ETNK2: variants seen among roughly 807,000 people sequenced by gnomAD.
ETNK2 encodes the protein ethanolamine kinase 2.
In ETNK2, 33 loss-of-function variants were observed where a neutral mutation model predicts 46.2. That is an observed-to-expected ratio of 0.71 (90% CI 0.54 to 0.96). The LOEUF (loss-of-function observed/expected upper bound fraction) is 0.96, where lower values mean the gene tolerates loss of function less well. ETNK2 is among the 40% of genes least tolerant of loss of function. The probability of loss-of-function intolerance (pLI) is 0.00; values close to 1 mark genes in which losing one functional copy is unlikely to be tolerated. For missense variants in ETNK2, 445 were observed against 509.7 expected (o/e 0.87, Z 1.22); for synonymous variants, 194 against 209.0 (o/e 0.93, Z 0.62).
At chr1:204,132,527 G>T (rs551836994) in intron 7 of ETNK2, among the ~76,000 whole-genome samples, 1 of 152,156 alleles carries the variant, frequency 6.6e-6, no homozygotes, top group South Asian at 2.1e-4. Context: ...TCTGCCTCCC[G>T]GGCTCTGATG....
chr1:204,143,537 C>T (rs1028156294), intron 3 of ETNK2, among the ~76,000 whole-genome samples: 4 of 152,100 alleles, frequency 2.6e-5, no homozygotes, highest in African/African-American at 9.7e-5. Flanking sequence ...GCTGTGGGAT[C>T]GGCAGAAGAG....
chr1:204,140,596 C>G (rs1282026871), intron 4 of ETNK2, among the ~76,000 whole-genome samples: 1 of 151,824 alleles, frequency 6.6e-6, no homozygotes, highest in Non-Finnish European at 1.5e-5. Context: ...ATGATCTCGG[C>G]TCACTGCAAC....
intron 2 of ETNK2, among the ~76,000 whole-genome samples, chr1:204,147,738 C>T (rs927135716): frequency 2.0e-5 from 3 of 152,212 alleles, no homozygotes; most frequent in African/African-American, 7.2e-5. Context: ...AAGAGGCAGG[C>T]CATACCCTAC....
chr1:204,149,558 G>A, intron 2 of ETNK2, 145 bp downstream of exon 2: 1 of 1,003,154 alleles, frequency 1.0e-6, no homozygotes, highest in Non-Finnish European at 1.4e-6. Context: ...TCTCTGCAGA[G>A]CAATGCATAT....
At chr1:204,136,970 G>A in intron 6 of ETNK2, 134 bp downstream of exon 6, 2 of 1,182,426 alleles carry the variant, frequency 1.7e-6, no homozygotes, top group Non-Finnish European at 2.4e-6. Flanking sequence ...CCTCTAGGGT[G>A]GGGTCAGGAG....
At chr1:204,147,715 G>C (rs1657845787) in intron 2 of ETNK2, 1 of 374,312 alleles carries the variant, frequency 2.7e-6, no homozygotes, top group Non-Finnish European at 5.3e-6. Flanking sequence ...CCTTTCTCTT[G>C]CCAGGCCCTG....
intron 3 of ETNK2, 82 bp downstream of exon 3, chr1:204,146,560 C>T: frequency 6.4e-7 from 1 of 1,559,688 alleles, no homozygotes; most frequent in Non-Finnish European, 8.8e-7. Flanking sequence ...CCTTAAACCT[C>T]CTAGCAGGGT....
chr1:204,151,933 A>G lies in ETNK2; in HGVS notation c.-81T>C. On this transcript the variant is annotated 5_prime_UTR_variant, in exon 1 of 8. Coordinates refer to ENST00000367202, the MANE Select transcript of ETNK2 (RefSeq NM_018208.4). This position sits in a 1 kb window ranked among gnomAD's most constrained non-coding sequence, Gnocchi z 8.0. ...TCCGGCGAGGGAGTGGGAGTGGTAGAGGAGGGGCCAGGGGAAGTCCATGAC... is the reference window on the plus strand; with the variant it reads ...TCCGGCGAGGGAGTGGGAGTGGTAGGGGAGGGGCCAGGGGAAGTCCATGAC... 1 of 1,354,220 alleles carries G rather than the reference A, an allele frequency of 7.4e-7. No homozygotes were observed. The highest frequency in any genetic ancestry group is 9.6e-7 in the Non-Finnish European group (1 of 1,046,808). The allele number at this position is 1,354,220 out of a possible 1,614,324, so 83.9% of individuals were successfully genotyped here.
intron 2 of ETNK2, among the ~76,000 whole-genome samples, chr1:204,148,483 C>A (rs532531497): frequency 1.3e-5 from 2 of 151,910 alleles, no homozygotes; most frequent in African/African-American, 4.8e-5. Flanking sequence ...TCTGACTTCA[C>A]ATCTCCAGTC....
rs1657993732 is a variant in ETNK2 at position 204,151,271 on chromosome 1, C to T, written c.258+324G>A. ...CTCAGGTTTCAGAGCTGGCTGGGTA[C>T]GCGCTTCTGGTCAGCGAGGGGCACC... On this transcript the variant is annotated intron_variant, in intron 1 of 7. Coordinates refer to ENST00000367202, the MANE Select transcript of ETNK2 (RefSeq NM_018208.4). The surrounding 1 kb of genome is among the most constrained non-coding windows in gnomAD (Gnocchi z 8.0). 4 of 476,398 alleles carry T rather than the reference C, an allele frequency of 8.4e-6. No homozygotes were observed. The highest frequency in any genetic ancestry group is 4.1e-5 in the Admixed American group (1 of 24,514). 29.5% of individuals were successfully genotyped at this position (476,398 alleles called of 1,614,324 possible). A position where few individuals can be genotyped will look rare whatever the true frequency, so the allele number is the denominator to read the frequency against.
intron 3 of ETNK2, among the ~76,000 whole-genome samples, chr1:204,144,137 G>T (rs1657675920): frequency 6.6e-6 from 1 of 151,926 alleles, no homozygotes; most frequent in Admixed American, 6.6e-5. Context: ...TTGAGGCCAG[G>T]AGTTCAAGAC....
chr1:204,133,821 G>A (rs764397995), intron 7 of ETNK2, among the ~76,000 whole-genome samples: 10 of 152,258 alleles, frequency 6.6e-5, no homozygotes, highest in Admixed American at 1.3e-4. Flanking sequence ...GTGAGCCACC[G>A]CGCCCGGCCT....
chr1:204,132,035 G>C lies in ETNK2; in HGVS notation c.*149C>G, dbSNP rs566547978. On this transcript the variant is annotated 3_prime_UTR_variant, in exon 8 of 8. Transcript: ENST00000367202. ...GAGGTCTTCAGTGGCAACCACTGGG[G>C]TCTGGCGGCAGGGACAGAGCCTTCT... 1.1e-4 allele frequency: 76 copies of C among 691,684 alleles called. No homozygotes were observed. The African/African-American group carries it at 1.2e-3, about 11-fold the overall frequency. The allele number at this position is 691,684 out of a possible 1,614,324, so 42.8% of individuals were successfully genotyped here. A position where few individuals can be genotyped will look rare whatever the true frequency, so the allele number is the denominator to read the frequency against.
chr1:204,141,125 C>T, intron 4 of ETNK2, 190 bp downstream of exon 4: 2 of 761,170 alleles, frequency 2.6e-6, no homozygotes, highest in South Asian at 1.5e-5. Flanking sequence ...TGAGACTGGC[C>T]CTTGGCACAG....
intron 3 of ETNK2, among the ~76,000 whole-genome samples, chr1:204,143,676 AT>A (rs1184131632): frequency 5.3e-5 from 8 of 152,190 alleles, no homozygotes; most frequent in African/African-American, 1.9e-4. Flanking sequence ...GTTCCTCCTG[AT>A]ATTGGGACTG....
At chr1:204,140,876 G>C in intron 4 of ETNK2, 1 of 301,202 alleles carries the variant, frequency 3.3e-6, no homozygotes. Flanking sequence ...AGGCTGGAGT[G>C]TAGTGGCTCC....
intron 3 of ETNK2, among the ~76,000 whole-genome samples, chr1:204,146,314 G>A (rs537408187): frequency 3.3e-5 from 5 of 152,260 alleles, no homozygotes; most frequent in South Asian, 2.1e-4. Context: ...GCCCCATAAC[G>A]CTGGGCCAAG....
At chr1:204,134,365 G>A (rs1657198904) in intron 7 of ETNK2, 150 bp downstream of exon 7, 9 of 798,184 alleles carry the variant, frequency 1.1e-5, no homozygotes, top group Non-Finnish European at 1.8e-5. Context: ...GGGGATAGTG[G>A]CCCCGCTGGA....
In ETNK2 at chr1:204,143,687, G is replaced by A. The variant is rs190959259; in HGVS notation, c.642-2230C>T. Among the ~76,000 whole-genome samples, 5 of 152,306 alleles carry A rather than the reference G, an allele frequency of 3.3e-5. No homozygotes were observed. The East Asian group carries it at 9.7e-4, about 29-fold the overall frequency. On this transcript the variant is annotated intron_variant, in intron 3 of 7. Transcript: ENST00000367202. ...TGGGGTTCCTCCTGATATTGGGACTGCTGCCTGGCCAGTTTCTACTCTGCT... is the reference window on the plus strand; with the variant it reads ...TGGGGTTCCTCCTGATATTGGGACTACTGCCTGGCCAGTTTCTACTCTGCT...
Sources: allele counts gnomAD v4.1 joint callset (sites outside exome capture counted in the v4.1 genomes callset), GRCh38; gene constraint gnomAD v4.1.1; non-coding constraint Gnocchi (gnomAD v3.1); transcripts MANE v1.5; gene names NCBI Gene and HGNC (gene_info 2026-07-23, HGNC 2026-07-21).